Variants in MARK3 observed in about 807,000 individuals in gnomAD.
MARK3 encodes MAP/microtubule affinity-regulating kinase 3.
Under a neutral mutation model 90.1 loss-of-function variants are expected in MARK3, and 46 were observed. The ratio of observed to expected loss-of-function variants is 0.51; its 90% CI spans 0.40 to 0.65. The LOEUF (loss-of-function observed/expected upper bound fraction) is 0.65. Ranked by LOEUF, MARK3 falls within the 30% of genes least tolerant of loss-of-function variation. The pLI is 0.00. For synonymous variants in MARK3, 321 were observed against 332.6 expected, an observed-to-expected ratio of 0.97 and a Z score of 0.38; for missense variants, 818 against 947.2, an observed-to-expected ratio of 0.86 and a Z score of 1.79.
At chr14:103,491,093 TAA>T (rs2094008230) in intron 14 of MARK3, 2 of 1,275,306 alleles carry the variant, frequency 1.6e-6, no homozygotes, top group Admixed American at 4.6e-5. Flanking sequence ...GTGAAGGAGA[TAA>T]CTTCAAGGCT....
chr14:103,475,898 C>T (rs760409174), intron 13 of MARK3, among the ~76,000 whole-genome samples: 1 of 151,100 alleles, frequency 6.6e-6, no homozygotes, highest in Non-Finnish European at 1.5e-5. Flanking sequence ...GAGCCGAGAT[C>T]GCATCACTGC....
chr14:103,480,005 G>A (rs1238715350), intron 13 of MARK3, among the ~76,000 whole-genome samples: 2 of 151,956 alleles, frequency 1.3e-5, no homozygotes, highest in Admixed American at 6.6e-5. Context: ...TTGTCAGGCC[G>A]GGCACCTCAG....
intron 12 of MARK3, 80 bp downstream of exon 12, chr14:103,468,266 C>T (rs1412919425): frequency 9.4e-7 from 1 of 1,062,284 alleles, no homozygotes; most frequent in Admixed American, 2.7e-5. Context: ...TTCTCTTGCT[C>T]AGAGCCTGGC....
At position 103,465,774 on chromosome 14, in the gene MARK3, T is replaced by C; in HGVS notation, c.758T>C (p.Phe253Ser). Reference sequence around the variant, plus strand: ...ACACTAGTCAGTGGCTCACTTCCCTTTGATGGGCAAAACCTAAAGGTATAA... The same window carrying C: ...ACACTAGTCAGTGGCTCACTTCCCTCTGATGGGCAAAACCTAAAGGTATAA... ...LYTLVSGSLP[F>S]DGQNLKELRE... is the part of the protein sequence containing the mutation. Residue 253 changes from phenylalanine (F) to serine (S), a missense_variant, in exon 8 of 18, where the codon TTT (phenylalanine) becomes TCT (serine). By Grantham distance (155) the Phe-to-Ser change is radical. Transcript: ENST00000429436. The C allele has an allele frequency of 6.2e-7, 1 of 1,613,792 alleles. No individual in the cohort carries two copies. The highest frequency in any genetic ancestry group is 8.5e-7 in the Non-Finnish European group (1 of 1,179,800).
intron 14 of MARK3, 194 bp from the exon 15 acceptor site, chr14:103,491,583 G>A: frequency 1.7e-6 from 1 of 582,806 alleles, no homozygotes; most frequent in African/African-American, 1.9e-5. Context: ...ACTCCATGAG[G>A]CTTTGTCTCA....
intron 12 of MARK3, among the ~76,000 whole-genome samples, chr14:103,469,834 G>A (rs981325159): frequency 1.9e-4 from 29 of 151,914 alleles, no homozygotes; most frequent in African/African-American, 6.0e-4. Flanking sequence ...AGGCCGAGGC[G>A]TGTGGATCAC....
At chr14:103,405,788 G>T (rs190319651) in intron 2 of MARK3, among the ~76,000 whole-genome samples, 2 of 140,228 alleles carry the variant, frequency 1.4e-5, no homozygotes, top group East Asian at 4.2e-4. Flanking sequence ...TTGTAGAGAC[G>T]GGGTTTCACC....
At chr14:103,463,146 CCT>C (rs2093433817) in intron 7 of MARK3, among the ~76,000 whole-genome samples, 1 of 12,370 alleles carries the variant, frequency 8.1e-5, no homozygotes, top group South Asian at 6.0e-3. Context: ...AGTCTATATA[CCT>C]TTTTTTTTTT....
chr14:103,441,287 T>C (rs2092846985), intron 3 of MARK3, among the ~76,000 whole-genome samples: 1 of 152,084 alleles, frequency 6.6e-6, no homozygotes, highest in African/African-American at 2.4e-5. Flanking sequence ...TTTTGTTTTT[T>C]TGTTTTTTTG....
chr14:103,443,318 G>T (rs777961562), intron 3 of MARK3, among the ~76,000 whole-genome samples: 3 of 152,164 alleles, frequency 2.0e-5, no homozygotes, highest in Non-Finnish European at 4.4e-5. Context: ...AACTTAAGAA[G>T]AGGAACTTCC....
chr14:103,501,618 C>G (rs867499850), intron 17 of MARK3, among the ~76,000 whole-genome samples: 3 of 151,900 alleles, frequency 2.0e-5, no homozygotes, highest in Non-Finnish European at 4.4e-5. Context: ...AGATGCAGGC[C>G]CACCCCCACC....
At chr14:103,469,141 C>G (rs1489101991) in intron 12 of MARK3, 1 of 151,360 alleles carries the variant, frequency 6.6e-6, no homozygotes, top group Non-Finnish European at 1.5e-5. Flanking sequence ...TGATTTTTAC[C>G]TTTTTTATTT....
Position 103,500,210 on chromosome 14 carries a change from A to G in MARK3, c.1916+10A>G. 2 of 1,588,744 alleles carry G rather than the reference A, an allele frequency of 1.3e-6. No individual in the cohort carries two copies. The highest frequency in any genetic ancestry group is 1.2e-5 in the South Asian group (1 of 85,994). On this transcript the variant is annotated intron_variant, in intron 17 of 17. Transcript: ENST00000429436. The stretch of plus-strand genomic sequence containing the variant: ...GATATGAGGGCTCAAGGTGAGGGAA[A>G]TGATTTTTACTTAAAATTTTTTTCA...
intron 12 of MARK3, among the ~76,000 whole-genome samples, chr14:103,468,444 C>G (rs1293402695): frequency 6.6e-6 from 1 of 151,156 alleles, no homozygotes; most frequent in Non-Finnish European, 1.5e-5. Context: ...CCTGCCTCAG[C>G]CTCCTGAATA....
intron 3 of MARK3, among the ~76,000 whole-genome samples, chr14:103,444,105 T>A (rs769341181): frequency 4.0e-4 from 56 of 139,232 alleles, no homozygotes; most frequent in Non-Finnish European, 6.9e-4. Flanking sequence ...TTTTTTTTTT[T>A]ACTAGAGACT....
At chr14:103,443,276 G>A (rs528381807) in intron 3 of MARK3, among the ~76,000 whole-genome samples, 13 of 152,186 alleles carry the variant, frequency 8.5e-5, no homozygotes, top group Admixed American at 1.3e-4. Context: ...TCTACTGTGA[G>A]TACATACTCT....
chr14:103,460,073 C>CTTTTTTTTTTTTTTTTTTT lies in MARK3; in HGVS notation c.484-2319_484-2301dup, dbSNP rs571611660. The stretch of plus-strand genomic sequence containing the variant: ...AAAAAGAATAGATTTCCAGCTCCAT[C>CTTTTTTTTTTTTTTTTTTT]TTTTTTTTTTTTTTTTTTTTTTTTT... On this transcript the variant is annotated intron_variant, in intron 6 of 17. Transcript: ENST00000429436. Among the ~76,000 whole-genome samples the CTTTTTTTTTTTTTTTTTTT allele has an allele frequency of 2.0e-3, 84 of 41,722 alleles. 15 individuals are homozygous for CTTTTTTTTTTTTTTTTTTT. Among genetic ancestry groups the CTTTTTTTTTTTTTTTTTTT allele is most frequent in the Non-Finnish European group, 2.8e-3 (70 of 25,344 alleles). The allele number at this position is 41,722 out of a possible 152,430, so 27.4% of individuals were successfully genotyped here. A position where few individuals can be genotyped will look rare whatever the true frequency, so the allele number is the denominator to read the frequency against.
At chr14:103,482,289 G>A (rs2403180) in intron 14 of MARK3, among the ~76,000 whole-genome samples, 39,586 of 151,592 alleles carry the variant, frequency 0.26, 6,434 homozygotes, top group Middle Eastern at 0.45. Context: ...GGGAGGCCAA[G>A]GCAGGTGGAT....
intron 13 of MARK3, among the ~76,000 whole-genome samples, chr14:103,478,285 G>T (rs1196469936): frequency 7.2e-6 from 1 of 139,574 alleles, no homozygotes; most frequent in Non-Finnish European, 1.6e-5. Context: ...AAAAAGCGAG[G>T]CTCCATCTCA....
Sources: gnomAD v4.1 joint callset for allele counts (sites outside exome capture counted in the v4.1 genomes callset) on GRCh38, gnomAD v4.1.1 for gene constraint, MANE v1.5 for transcripts, NCBI Gene and HGNC (gene_info 2026-07-23, HGNC 2026-07-21) for gene names.